The following TMEM87A variants were observed in gnomAD, a reference collection of about 807,000 sequenced individuals.
The protein encoded by TMEM87A is transmembrane protein 87A, also known as Golgi-pH regulating cation channel.
A neutral mutation model predicts 90.0 loss-of-function variants in TMEM87A; 50 were observed. The ratio of observed to expected loss-of-function variants is 0.56; its 90% CI spans 0.44 to 0.70. The LOEUF (loss-of-function observed/expected upper bound fraction) is 0.70, where lower values mean the gene tolerates loss of function less well. Among genes scored for constraint, TMEM87A ranks in the 30% least tolerant of loss-of-function variants. TMEM87A has a pLI of 0.00. For synonymous variants in TMEM87A, 226 were observed against 226.7 expected, an observed-to-expected ratio of 1.00 and a Z score of 0.03; for missense variants, 577 against 660.5, an observed-to-expected ratio of 0.87 and a Z score of 1.39.
chr15:42,258,366 T>C, intron 6 of TMEM87A: 4 of 656,082 alleles, frequency 6.1e-6, no homozygotes, highest in Non-Finnish European at 5.7e-6. Flanking sequence ...TTCATTTATG[T>C]ATATCGTCTC....
At chr15:42,257,037 A>T (rs1483607879) in intron 6 of TMEM87A, among the ~76,000 whole-genome samples, 4 of 152,196 alleles carry the variant, frequency 2.6e-5, no homozygotes, top group South Asian at 2.1e-4. Context: ...CTTTTTAAAT[A>T]CAATTTACAA....
chr15:42,254,904 G>A (rs2051148506), intron 6 of TMEM87A, among the ~76,000 whole-genome samples: 1 of 151,668 alleles, frequency 6.6e-6, no homozygotes, highest in Non-Finnish European at 1.5e-5. Flanking sequence ...CAGTGGTGCA[G>A]TATGTTGACG....
At position 42,269,942 on chromosome 15, in the gene TMEM87A, CAAAAA is replaced by C. The variant is rs11308996; in HGVS notation, c.206-1915_206-1911del. Among the ~76,000 whole-genome samples the C allele has an allele frequency of 3.7e-3, 266 of 71,692 alleles. 1 individual carries two copies. Among genetic ancestry groups the C allele is most frequent in the African/African-American group, 0.014 (260 of 18,658 alleles). The allele number at this position is 71,692 out of a possible 152,430, so 47.0% of individuals were successfully genotyped here. A position where few individuals can be genotyped will look rare whatever the true frequency, so the allele number is the denominator to read the frequency against. Reference sequence around the variant, plus strand: ...TGGGCGACAGAGCGAGACTCCGTCTCAAAAAAAAAAAAAAAAAAAAAAATGGTCCC... The same window carrying C: ...TGGGCGACAGAGCGAGACTCCGTCTCAAAAAAAAAAAAAAAAAATGGTCCC... On this transcript the variant is annotated intron_variant, in intron 2 of 19. Transcript: ENST00000389834.
At chr15:42,258,749 A>G in intron 6 of TMEM87A, 1 of 1,412,548 alleles carries the variant, frequency 7.1e-7, no homozygotes, top group Non-Finnish European at 9.2e-7. Context: ...TTTTGTTTAA[A>G]AAAATTAACA....
chr15:42,224,411 G>C (rs2140923562), intron 15 of TMEM87A: 1 of 152,350 alleles, frequency 6.6e-6, no homozygotes, highest in East Asian at 1.9e-4. Context: ...TTCCCAGACA[G>C]AAACAATGTG....
intron 15 of TMEM87A, 130 bp downstream of exon 15, chr15:42,226,676 T>A (rs2050600855): frequency 1.3e-6 from 1 of 759,076 alleles, no homozygotes. Context: ...AGGAACCCAG[T>A]TCTTCTGATT....
chr15:42,256,623 G>A (rs2140972144), intron 6 of TMEM87A, among the ~76,000 whole-genome samples: 1 of 152,304 alleles, frequency 6.6e-6, no homozygotes, highest in East Asian at 1.9e-4. Context: ...CTCAAGCCTT[G>A]AGTAGAACTC....
upstream of TMEM87A, chr15:42,273,480 C>A: frequency 1.3e-6 from 2 of 1,572,334 alleles, no homozygotes; most frequent in Non-Finnish European, 1.7e-6. Context: ...GCTCTAAGGG[C>A]GGGATTATCC....
intron 15 of TMEM87A, among the ~76,000 whole-genome samples, chr15:42,221,761 A>G (rs553301586): frequency 1.6e-4 from 25 of 152,160 alleles, no homozygotes; most frequent in Non-Finnish European, 3.1e-4. Flanking sequence ...CTTTTAAAAA[A>G]TTTTTTTGAG....
At chr15:42,266,748 C>G (rs1444520726) in intron 3 of TMEM87A, among the ~76,000 whole-genome samples, 4 of 152,096 alleles carry the variant, frequency 2.6e-5, no homozygotes, top group Non-Finnish European at 5.9e-5. Flanking sequence ...GTTATTAAAT[C>G]TGGACCTTTT....
intron 2 of TMEM87A, 119 bp downstream of exon 2, chr15:42,271,944 A>T: frequency 2.5e-6 from 2 of 813,176 alleles, no homozygotes; most frequent in Non-Finnish European, 3.8e-6. Flanking sequence ...TACTAAAAAT[A>T]TTTATACCTA....
chr15:42,273,249 A>T lies in TMEM87A; in HGVS notation c.144+6T>A, dbSNP rs888073236. ...AGGTTCAGACGTTAGTGAAGTGAAT[A>T]CTCACCGACGGTATCGGAATGTGCC... On this transcript the variant is annotated splice_donor_region_variant and intron_variant, in intron 1 of 19. Coordinates refer to ENST00000389834, the MANE Select transcript of TMEM87A (RefSeq NM_015497.5). 1.2e-6 allele frequency: 2 copies of T among 1,613,832 alleles called. No individual in the cohort carries two copies. The highest frequency in any genetic ancestry group is 1.3e-5 in the African/African-American group (1 of 74,870).
intron 6 of TMEM87A, among the ~76,000 whole-genome samples, chr15:42,253,154 C>T (rs1184507234): frequency 6.6e-6 from 1 of 152,198 alleles, no homozygotes; most frequent in East Asian, 1.9e-4. Context: ...TGGCGCAATC[C>T]TTCAATGCTT....
At chr15:42,222,463 G>A (rs2050509313) in intron 15 of TMEM87A, among the ~76,000 whole-genome samples, 1 of 152,106 alleles carries the variant, frequency 6.6e-6, no homozygotes, top group Admixed American at 6.5e-5. Flanking sequence ...AGAAGCCTAG[G>A]GTAATTCAGA....
In TMEM87A at chr15:42,233,301, C is replaced by T. The variant is rs1230205396; in HGVS notation, c.974G>A (p.Arg325His). 3.1e-6 allele frequency: 5 copies of T among 1,613,440 alleles called. No individual in the cohort carries two copies. Among genetic ancestry groups the T allele is most frequent in the South Asian group, 1.1e-5 (1 of 91,012 alleles). ...AACCTTATGAAGAGTGACTCCAAGG[C>T]GTGGCCTAAAGAGGAAGCAAGGAGA... ...VSLGYGIVKPRLGVTLHKVVV... is the reference protein window; with the variant it reads ...VSLGYGIVKPHLGVTLHKVVV... The change falls in exon 11 of 20, where the codon CGC becomes CAC. Residue 325 changes from arginine (R) to histidine (H), a missense_variant. By Grantham distance (29) the Arg-to-His change is conservative (BLOSUM62 0). Transcript: ENST00000389834.
intron 6 of TMEM87A, among the ~76,000 whole-genome samples, chr15:42,247,797 G>A (rs1216103997): frequency 1.3e-5 from 2 of 151,910 alleles, no homozygotes; most frequent in African/African-American, 4.8e-5. Context: ...TATGAACTTC[G>A]AAGTATTTTT....
intron 19 of TMEM87A, among the ~76,000 whole-genome samples, chr15:42,216,324 C>T (rs1175086302): frequency 2.0e-5 from 3 of 152,134 alleles, no homozygotes; most frequent in South Asian, 2.1e-4. Flanking sequence ...TGTGCTTATA[C>T]GTAATAATAC....
intron 15 of TMEM87A, among the ~76,000 whole-genome samples, chr15:42,221,927 A>AT (rs1341371415): frequency 8.6e-5 from 13 of 151,060 alleles, no homozygotes; most frequent in Admixed American, 6.6e-4. Flanking sequence ...ACCTAAAACA[A>AT]TTTTTTTTGT....
At chr15:42,214,888 C>A (rs2050355286) in intron 19 of TMEM87A, among the ~76,000 whole-genome samples, 1 of 151,986 alleles carries the variant, frequency 6.6e-6, no homozygotes, top group Non-Finnish European at 1.5e-5. Flanking sequence ...GGGAAGCACA[C>A]AACAGAATGA....
Sources: allele counts gnomAD v4.1 joint callset (sites outside exome capture counted in the v4.1 genomes callset), GRCh38; gene constraint gnomAD v4.1.1; transcripts MANE v1.5; gene names NCBI Gene and HGNC (gene_info 2026-07-23, HGNC 2026-07-21).